Variants in SLC22A15 observed in about 807,000 individuals in gnomAD.
SLC22A15 encodes flipt 1.
A neutral mutation model predicts 62.7 loss-of-function variants in SLC22A15; 45 were observed. That is an observed-to-expected ratio of 0.72 (90% CI 0.56 to 0.92). The LOEUF is 0.92. SLC22A15 is among the 40% of genes least tolerant of loss of function. The pLI is 0.00. For missense variants in SLC22A15, 622 were observed against 665.6 expected (o/e 0.93, Z 0.72); for synonymous variants, 264 against 267.0 (o/e 0.99, Z 0.11).
intron 8 of SLC22A15, among the ~76,000 whole-genome samples, chr1:116,046,842 G>A (rs1239909567): frequency 6.6e-6 from 1 of 152,214 alleles, no homozygotes; most frequent in Non-Finnish European, 1.5e-5. Context: ...AAGACAGCCA[G>A]CAAAATACAG....
At chr1:116,039,009 C>T (rs1260720029) in intron 8 of SLC22A15, among the ~76,000 whole-genome samples, 1 of 152,086 alleles carries the variant, frequency 6.6e-6, no homozygotes, top group Non-Finnish European at 1.5e-5. Flanking sequence ...AATAACAAGA[C>T]AAAAATCCAT....
chr1:116,050,078 C>T (rs191668902), intron 8 of SLC22A15, among the ~76,000 whole-genome samples: 1 of 152,198 alleles, frequency 6.6e-6, no homozygotes, highest in East Asian at 1.9e-4. Flanking sequence ...AGACCAATAA[C>T]AAGCAACGAG....
Position 116,062,754 on chromosome 1 carries a change from C to G in SLC22A15, c.1172-8C>G. 1 of 1,613,716 alleles carries G rather than the reference C, an allele frequency of 6.2e-7. No individual in the cohort carries two copies. Among genetic ancestry groups the G allele is most frequent in the Non-Finnish European group, 8.5e-7 (1 of 1,179,694 alleles). On this transcript the variant is annotated splice_polypyrimidine_tract_variant and splice_region_variant and intron_variant, in intron 8 of 11. Coordinates refer to ENST00000369503, the MANE Select transcript of SLC22A15 (RefSeq NM_018420.3). ...GGGTCTCACAGGCATTGCCCTTGTC[C>G]TCCTCAGACACAGGTGTGTTTGCAG...
intron 5 of SLC22A15, 57 bp from the exon 6 acceptor site, chr1:116,031,309 C>A: frequency 7.4e-7 from 1 of 1,343,458 alleles, no homozygotes; most frequent in Non-Finnish European, 1.0e-6. Context: ...TGATTTGTCT[C>A]CTTCCTGTGC....
intron 4 of SLC22A15, among the ~76,000 whole-genome samples, chr1:116,026,190 G>A (rs555363283): frequency 6.6e-6 from 1 of 151,942 alleles, no homozygotes; most frequent in African/African-American, 2.4e-5. Flanking sequence ...GAGGCAGGTG[G>A]GTCACAAGGT....
Position 116,019,588 on chromosome 1 carries a change from T to C in SLC22A15, c.307T>C (p.Leu103=). ...SFTSIASEWF[L]IANRSYKVSA... is the part of the protein sequence containing the mutation. ...TTGTTTTATCTTCCTCTAGTGGTTTTTAATTGCCAACAGATCCTACAAAGT... is the reference window on the plus strand; with the variant it reads ...TTGTTTTATCTTCCTCTAGTGGTTTCTAATTGCCAACAGATCCTACAAAGT... The change falls in exon 3 of 12, where the codon TTA becomes CTA. Residue 103 remains leucine (L), a synonymous_variant. Coordinates refer to ENST00000369503, the MANE Select transcript of SLC22A15 (RefSeq NM_018420.3). 1 of 1,600,176 alleles carries C rather than the reference T, an allele frequency of 6.2e-7. No individual in the cohort carries two copies. Among genetic ancestry groups the C allele is most frequent in the South Asian group, 1.1e-5 (1 of 87,352 alleles).
intron 6 of SLC22A15, chr1:116,032,549 G>T (rs1359336843): frequency 1.0e-6 from 1 of 985,276 alleles, no homozygotes; most frequent in Admixed American, 6.1e-5. Flanking sequence ...AAGCTGCAAA[G>T]ATATTTTTCT....
intron 2 of SLC22A15, among the ~76,000 whole-genome samples, chr1:115,993,170 G>C (rs147139926): frequency 5.3e-5 from 8 of 152,138 alleles, no homozygotes; most frequent in African/African-American, 1.9e-4. Flanking sequence ...CACTGGTGTT[G>C]GTTGTTAAAA....
chr1:115,990,157 T>C (rs1655078059), intron 1 of SLC22A15, among the ~76,000 whole-genome samples: 1 of 152,312 alleles, frequency 6.6e-6, no homozygotes, highest in Admixed American at 6.5e-5. Context: ...GAAGTCTTCA[T>C]GGAGGAGGTG....
rs1335180003 is a variant in SLC22A15 at position 116,068,966 on chromosome 1, A to G, written c.*1858A>G. On this transcript the variant is annotated 3_prime_UTR_variant, in exon 12 of 12. Coordinates refer to ENST00000369503, the MANE Select transcript of SLC22A15 (RefSeq NM_018420.3). ...TCATTACAGAAAATTTGGAAACTAT[A>G]AATTTAGAAACGTATCACCCATACG... 6.6e-6 allele frequency: 1 copy of G among 152,206 alleles called. No individual in the cohort carries two copies. Among genetic ancestry groups the G allele is most frequent in the African/African-American group, 2.4e-5 (1 of 41,456 alleles). The allele number at this position is 152,206 out of a possible 1,614,324, so 9.4% of individuals were successfully genotyped here. A position where few individuals can be genotyped will look rare whatever the true frequency, so the allele number is the denominator to read the frequency against.
At chr1:115,981,139 A>C (rs1451634077) in intron 1 of SLC22A15, among the ~76,000 whole-genome samples, 1 of 152,206 alleles carries the variant, frequency 6.6e-6, no homozygotes, top group African/African-American at 2.4e-5. Context: ...GGCTGAGATC[A>C]TAGCTGGTTC....
intron 8 of SLC22A15, among the ~76,000 whole-genome samples, chr1:116,051,045 C>T (rs1658036574): frequency 1.3e-5 from 2 of 152,048 alleles, no homozygotes; most frequent in Admixed American, 1.3e-4. Flanking sequence ...AGGAAAACTA[C>T]AAAACACTGC....
intron 1 of SLC22A15, among the ~76,000 whole-genome samples, chr1:115,984,708 C>T (rs1474648623): frequency 6.6e-6 from 1 of 152,142 alleles, no homozygotes. Context: ...ATGAGGGTTC[C>T]ATGTCTTCAG....
intron 8 of SLC22A15, among the ~76,000 whole-genome samples, chr1:116,062,321 C>CT (rs1658404550): frequency 6.6e-6 from 1 of 152,196 alleles, no homozygotes; most frequent in South Asian, 2.1e-4. Context: ...CATATAAGAG[C>CT]TTTTCTGGAG....
chr1:116,061,378 C>T (rs568976996), intron 8 of SLC22A15, among the ~76,000 whole-genome samples: 121 of 152,094 alleles, frequency 8.0e-4, no homozygotes, highest in African/African-American at 2.8e-3. Flanking sequence ...AAGGAAGGAA[C>T]GAGAGTGTTC....
At chr1:116,026,423 C>G (rs1256794447) in intron 4 of SLC22A15, among the ~76,000 whole-genome samples, 1 of 148,462 alleles carries the variant, frequency 6.7e-6, no homozygotes, top group East Asian at 2.0e-4. Flanking sequence ...GAGATTCTGT[C>G]TCAAAAAAAA....
intron 6 of SLC22A15, among the ~76,000 whole-genome samples, chr1:116,034,801 A>G (rs1657572008): frequency 6.6e-6 from 1 of 152,192 alleles, no homozygotes; most frequent in Admixed American, 6.5e-5. Context: ...AATCATTTCA[A>G]TAATATTACA....
intron 6 of SLC22A15, chr1:116,032,669 T>C: frequency 1.0e-6 from 1 of 976,434 alleles, no homozygotes; most frequent in Non-Finnish European, 1.2e-6. Flanking sequence ...ACTAGGAATA[T>C]CACAGATGCA....
chr1:115,994,310 A>T (rs1175872802), intron 2 of SLC22A15, among the ~76,000 whole-genome samples: 3 of 152,198 alleles, frequency 2.0e-5, no homozygotes, highest in African/African-American at 7.2e-5. Context: ...TATCAAAGTA[A>T]TTCTATGAGG....
Sources: allele counts gnomAD v4.1 joint callset (sites outside exome capture counted in the v4.1 genomes callset), GRCh38; gene constraint gnomAD v4.1.1; transcripts MANE v1.5; gene names NCBI Gene and HGNC (gene_info 2026-07-23, HGNC 2026-07-21).